WWC1: variants seen among roughly 807,000 people sequenced by gnomAD.
The protein encoded by WWC1 is WW and C2 domain containing 1.
A neutral mutation model predicts 138.4 loss-of-function variants in WWC1; 55 were observed. The ratio of observed to expected loss-of-function variants is 0.40; its 90% CI spans 0.32 to 0.50. WWC1 has a LOEUF of 0.50. WWC1 is among the 20% of genes least tolerant of loss of function. The pLI is 0.72. For synonymous variants in WWC1, 524 were observed against 564.9 expected, an observed-to-expected ratio of 0.93 and a Z score of 1.03; for missense variants, 1,226 against 1,420.4, an observed-to-expected ratio of 0.86 and a Z score of 2.20.
chr5:168,466,511 G>A lies in WWC1; in HGVS notation c.3151-1329G>A, dbSNP rs1191675434. Among the ~76,000 whole-genome samples, 4 of 152,222 alleles carry A rather than the reference G, an allele frequency of 2.6e-5. 1 individual carries two copies. In the South Asian group the frequency reaches 6.2e-4, roughly 24 times the overall value. On this transcript the variant is annotated intron_variant, in intron 21 of 22. Coordinates refer to ENST00000265293, the MANE Select transcript of WWC1 (RefSeq NM_015238.3). ...TGAAATCTCAGTGCTGAATACAGGT[G>A]GTGATGCCCTAGGGCAGGAAGATGA...
chr5:168,354,251 A>G (rs753228042), intron 1 of WWC1, among the ~76,000 whole-genome samples: 1 of 152,066 alleles, frequency 6.6e-6, no homozygotes, highest in Non-Finnish European at 1.5e-5. Flanking sequence ...GGGATTCACC[A>G]TGTTGGTCAG....
Position 168,430,218 on chromosome 5 carries a change from G to T in WWC1, c.2082G>T (p.Gln694His). The change falls in exon 14 of 23, where the codon CAG becomes CAT. Residue 694 changes from glutamine to histidine, a missense_variant. Gln to His is a conservative substitution (Grantham distance 24). Around this residue, in one of 3 missense-constraint regions of WWC1, gnomAD observed 1,016 missense variants for 1,153.9 expected, o/e 0.88. Transcript: ENST00000265293. ...CTGCTCTGTTGCAGCAACAAGACCA[G>T]AAAGTGTGAGTATGTAGCTGGACAG... ...NLSALLQQQD[Q>H]KVNIRVAVLP... is the part of the protein sequence containing the mutation. 1 of 1,613,316 alleles carries T rather than the reference G, an allele frequency of 6.2e-7. No homozygotes were observed. Among genetic ancestry groups the T allele is most frequent in the Non-Finnish European group, 8.5e-7 (1 of 1,179,606 alleles).
chr5:168,351,478 C>T (rs539816707), intron 1 of WWC1, among the ~76,000 whole-genome samples: 28 of 152,232 alleles, frequency 1.8e-4, no homozygotes, highest in African/African-American at 5.3e-4. Flanking sequence ...GACCTTGTCT[C>T]GAAGCGACTT....
At chr5:168,404,273 GC>G (rs1317307413) in intron 5 of WWC1, among the ~76,000 whole-genome samples, 2 of 152,256 alleles carry the variant, frequency 1.3e-5, no homozygotes, top group East Asian at 3.9e-4. Flanking sequence ...CAGGGCCACT[GC>G]CTGTCCCGGA....
At chr5:168,446,790 C>T (rs1015147755) in intron 17 of WWC1, among the ~76,000 whole-genome samples, 4 of 152,178 alleles carry the variant, frequency 2.6e-5, no homozygotes, top group African/African-American at 7.2e-5. Context: ...ATAGTAGACC[C>T]TCAATACATG....
chr5:168,374,063 AAG>A (rs56162331), intron 2 of WWC1, among the ~76,000 whole-genome samples: 8,074 of 143,722 alleles, frequency 0.056, 290 homozygotes, highest in African/African-American at 0.074. Context: ...AAAAAAAAAA[AAG>A]AGAGAGAGGT....
intron 1 of WWC1, among the ~76,000 whole-genome samples, chr5:168,297,642 A>G (rs998484962): frequency 9.9e-5 from 15 of 151,950 alleles, no homozygotes; most frequent in African/African-American, 2.4e-4. Context: ...AAAAAAAAAA[A>G]AAAAAGAAAT....
chr5:168,424,144 ATCAT>A, intron 11 of WWC1, 76 bp downstream of exon 11: 1 of 1,496,040 alleles, frequency 6.7e-7, no homozygotes, highest in South Asian at 1.4e-5. Flanking sequence ...CCCCCCAGTG[ATCAT>A]TCTAGTCGAT....
chr5:168,409,388 C>A (rs1276775449), intron 7 of WWC1, among the ~76,000 whole-genome samples: 1 of 152,184 alleles, frequency 6.6e-6, no homozygotes, highest in Non-Finnish European at 1.5e-5. Flanking sequence ...AAGAGGCTGT[C>A]CCTTCCTTCC....
In WWC1 at chr5:168,292,206, C is replaced by G. The variant is rs769969312; in HGVS notation, c.54C>G (p.Phe18Leu). ...AGGGCTGGGAGGAGGCGCGCGACTT[C>G]GACGGCAAGGTCTACTACATAGACC... ...LPEGWEEARDFDGKVYYIDHT... is the reference protein window; with the variant it reads ...LPEGWEEARDLDGKVYYIDHT... The change falls in exon 1 of 23, where the codon TTC becomes TTG. Residue 18 changes from phenylalanine (F) to leucine (L), a missense_variant. Physicochemically the swap from Phe to Leu is conservative, Grantham distance 22. Transcript: ENST00000265293. This position sits in a 1 kb window ranked among gnomAD's most constrained non-coding sequence, Gnocchi z 4.4. The G allele has an allele frequency of 1.9e-6, 3 of 1,567,144 alleles. No homozygotes were observed. The highest frequency in any genetic ancestry group is 1.7e-6 in the Non-Finnish European group (2 of 1,156,422).
chr5:168,444,235 C>G (rs572235953), intron 16 of WWC1, among the ~76,000 whole-genome samples: 3 of 152,348 alleles, frequency 2.0e-5, no homozygotes, highest in African/African-American at 2.4e-5. Flanking sequence ...CACTTCACTG[C>G]TAAACTTGGC....
intron 1 of WWC1, among the ~76,000 whole-genome samples, chr5:168,342,033 G>A (rs1232729720): frequency 6.6e-6 from 1 of 152,196 alleles, no homozygotes; most frequent in African/African-American, 2.4e-5. Flanking sequence ...TGTAATGGGA[G>A]GAAACAGCTT....
intron 5 of WWC1, among the ~76,000 whole-genome samples, chr5:168,403,985 C>G (rs888964329): frequency 6.6e-6 from 1 of 152,112 alleles, no homozygotes; most frequent in Admixed American, 6.5e-5. Flanking sequence ...CCCCCGACCC[C>G]CTCCCCACCC....
At chr5:168,461,608 G>C (rs57265255) in intron 20 of WWC1, among the ~76,000 whole-genome samples, 1 of 152,088 alleles carries the variant, frequency 6.6e-6, no homozygotes, top group Non-Finnish European at 1.5e-5. Context: ...CGGATGGGGT[G>C]GGGGTAGGCA....
rs1156847942 is a variant in WWC1 at position 168,410,190 on chromosome 5, C to G, written c.941+195C>G. On this transcript the variant is annotated intron_variant, in intron 8 of 22. Coordinates refer to ENST00000265293, the MANE Select transcript of WWC1 (RefSeq NM_015238.3). ...AGGAAATGACTCACCCAGGACACTT[C>G]ACAAGACAGAGAGTGAAACTATGCT... 3.0e-5 allele frequency: 18 copies of G among 601,354 alleles called. 1 individual carries two copies. The highest frequency in any genetic ancestry group is 1.8e-4 in the Admixed American group (6 of 34,204). The allele number at this position is 601,354 out of a possible 1,614,324, so 37.3% of individuals were successfully genotyped here. A position where few individuals can be genotyped will look rare whatever the true frequency, so the allele number is the denominator to read the frequency against.
intron 1 of WWC1, among the ~76,000 whole-genome samples, chr5:168,306,822 C>T (rs1046901882): frequency 6.6e-6 from 1 of 152,240 alleles, no homozygotes; most frequent in African/African-American, 2.4e-5. Context: ...GTCTGGAACT[C>T]CTGACCTCAG....
chr5:168,464,307 T>C (rs1190971927), intron 20 of WWC1, among the ~76,000 whole-genome samples: 1 of 152,160 alleles, frequency 6.6e-6, no homozygotes, highest in East Asian at 1.9e-4. Flanking sequence ...GAATCAATAA[T>C]TGAGAACGTA....
intron 17 of WWC1, among the ~76,000 whole-genome samples, chr5:168,447,374 C>T (rs189494987): frequency 1.3e-5 from 2 of 152,248 alleles, no homozygotes; most frequent in East Asian, 1.9e-4. Flanking sequence ...CCTTGTGAGT[C>T]GTAAGAATTC....
intron 1 of WWC1, among the ~76,000 whole-genome samples, chr5:168,326,330 G>C (rs1035750663): frequency 4.0e-5 from 6 of 148,736 alleles, no homozygotes; most frequent in Middle Eastern, 3.8e-3. Context: ...CGACTCTCCT[G>C]CCCCAGCCTC....
Sources: gnomAD v4.1 joint callset for allele counts (sites outside exome capture counted in the v4.1 genomes callset) on GRCh38, gnomAD v4.1.1 for gene constraint, gnomAD v4.1.1 regional missense constraint, Gnocchi (gnomAD v3.1) non-coding constraint, MANE v1.5 for transcripts, NCBI Gene and HGNC (gene_info 2026-07-23, HGNC 2026-07-21) for gene names.